EIF2AK1: variants seen among roughly 807,000 people sequenced by gnomAD.
EIF2AK1 encodes the protein eukaryotic translation initiation factor 2 alpha kinase 1.
Under a neutral mutation model 77.9 loss-of-function variants are expected in EIF2AK1, and 54 were observed. That is an observed-to-expected ratio of 0.69 (90% CI 0.56 to 0.87). The LOEUF is 0.87. EIF2AK1 is among the 40% of genes least tolerant of loss of function. The pLI is 0.00. For synonymous variants in EIF2AK1, 314 were observed against 290.5 expected, an observed-to-expected ratio of 1.08 and a Z score of -0.82; for missense variants, 810 against 768.6, an observed-to-expected ratio of 1.05 and a Z score of -0.64.
chr7:6,043,965 G>A (rs9639021), intron 7 of EIF2AK1, among the ~76,000 whole-genome samples: 4,225 of 151,436 alleles, frequency 0.028, 267 homozygotes, highest in East Asian at 0.28. Flanking sequence ...CAGGCGTGGC[G>A]GCACACACCT....
At chr7:6,029,147 TA>T in intron 11 of EIF2AK1, 115 bp from the exon 12 acceptor site, 1 of 862,734 alleles carries the variant, frequency 1.2e-6, no homozygotes, top group Non-Finnish European at 1.8e-6. Context: ...AAAAGTTAAA[TA>T]TTTGAGGAAT....
chr7:6,054,353 G>A (rs982122227), intron 2 of EIF2AK1, among the ~76,000 whole-genome samples, 193 bp downstream of exon 2: 12 of 152,046 alleles, frequency 7.9e-5, no homozygotes, highest in South Asian at 4.1e-4. Flanking sequence ...ACAGGTGCCT[G>A]CCACAACACC....
intron 12 of EIF2AK1, 58 bp downstream of exon 12, chr7:6,028,860 C>CTA: frequency 1.4e-6 from 2 of 1,479,510 alleles, no homozygotes; most frequent in Non-Finnish European, 9.3e-7. Flanking sequence ...TAAATACTAA[C>CTA]ATGTGCAACC....
rs1476256571 is a variant in EIF2AK1 at position 6,041,202 on chromosome 7, T to G, written c.809A>C (p.Lys270Thr). The G allele has an allele frequency of 6.2e-7, 1 of 1,607,130 alleles. No individual in the cohort carries two copies. The highest frequency in any genetic ancestry group is 1.1e-5 in the South Asian group (1 of 90,012). ...QEEDREQCGV[K>T]NDESSSSSII... ...GGATGAGCTGCTACTTTCATCATTT[T>G]TAACACCACATTGCTCTCTGAAAAA... Residue 270 changes from lysine to threonine, a missense_variant, in exon 9 of 15, where the codon AAA (lysine) becomes ACA (threonine). By Grantham distance (78) the Lys-to-Thr change is moderately conservative. This residue lies in a region of EIF2AK1 where 549 missense variants were observed against 533.7 expected (regional missense o/e 1.03). Transcript: ENST00000199389.
intron 6 of EIF2AK1, among the ~76,000 whole-genome samples, chr7:6,045,217 T>A (rs1352872574): frequency 2.0e-5 from 3 of 151,996 alleles, no homozygotes; most frequent in Non-Finnish European, 4.4e-5. Context: ...GTCATTCCTG[T>A]GCCTCAGCCT....
chr7:6,023,070 A>T lies in EIF2AK1; in HGVS notation c.*1603T>A. On this transcript the variant is annotated 3_prime_UTR_variant, in exon 15 of 15. Coordinates refer to ENST00000199389, the MANE Select transcript of EIF2AK1 (RefSeq NM_014413.4). The stretch of plus-strand genomic sequence containing the variant: ...GGTCCCTTCTAGCTTCAGAAGTGTC[A>T]TAATCAAATACCAGGAATGACTCTT... The T allele has an allele frequency of 1.9e-6, 1 of 515,940 alleles. No individual in the cohort carries two copies. Among genetic ancestry groups the T allele is most frequent in the South Asian group, 2.9e-5 (1 of 34,772 alleles). The allele number at this position is 515,940 out of a possible 1,614,324, so 32.0% of individuals were successfully genotyped here.
rs200306250 is a variant in EIF2AK1, at chr7:6,047,056, C to T, written c.485G>A (p.Arg162His). The change falls in exon 5 of 15, where the codon CGT becomes CAT. Residue 162 changes from arginine to histidine, a missense_variant. Arg to His is a conservative substitution (Grantham distance 29). Coordinates refer to ENST00000199389, the MANE Select transcript of EIF2AK1 (RefSeq NM_014413.4). ...AAGTTCTTCAAATTCATTTAAGTAA[C>T]GTGAAGTTTGTGCTTCCAAGGCTAC... ...REVALEAQTSRYLNEFEELAI... is the reference protein window; with the variant it reads ...REVALEAQTSHYLNEFEELAI... 23 of 1,613,810 alleles carry T rather than the reference C, an allele frequency of 1.4e-5. No individual in the cohort carries two copies. Among genetic ancestry groups the T allele is most frequent in the Middle Eastern group, 1.7e-4 (1 of 6,030 alleles).
In EIF2AK1 at chr7:6,025,086, G is replaced by A. The variant is rs183481639; in HGVS notation, c.1765-285C>T. Among the ~76,000 whole-genome samples, 877 of 152,094 alleles carry A rather than the reference G, an allele frequency of 5.8e-3. 6 individuals carry two copies. The highest frequency in any genetic ancestry group is 9.6e-3 in the Non-Finnish European group (652 of 67,994). ...ACTCCTTACCTCAAGTGACCCACCC[G>A]CCTCGACCTCCCAAAGTGCTGGAAT... is the stretch of plus-strand genomic sequence containing the variant. On this transcript the variant is annotated intron_variant, in intron 14 of 14. Transcript: ENST00000199389.
intron 11 of EIF2AK1, among the ~76,000 whole-genome samples, chr7:6,030,495 C>A (rs1255408058): frequency 6.6e-6 from 1 of 151,988 alleles, no homozygotes; most frequent in Non-Finnish European, 1.5e-5. Context: ...TCTCGCACTA[C>A]GAAAAAACTG....
chr7:6,039,771 C>T (rs1466313049), intron 9 of EIF2AK1, among the ~76,000 whole-genome samples: 2 of 151,352 alleles, frequency 1.3e-5, no homozygotes, highest in African/African-American at 2.4e-5. Context: ...CCTGTCTCTA[C>T]TAAAAATACA....
At chr7:6,034,418 G>A (rs1788013185) in intron 11 of EIF2AK1, among the ~76,000 whole-genome samples, 1 of 152,062 alleles carries the variant, frequency 6.6e-6, no homozygotes, top group Non-Finnish European at 1.5e-5. Flanking sequence ...CCCCAGCTCT[G>A]CAAGTCCTCT....
intron 4 of EIF2AK1, among the ~76,000 whole-genome samples, chr7:6,048,423 T>C (rs1449874952): frequency 6.6e-6 from 1 of 152,234 alleles, no homozygotes; most frequent in Non-Finnish European, 1.5e-5. Flanking sequence ...TTCCTTTTAA[T>C]AGCTGAATAA....
chr7:6,035,769 A>G lies in EIF2AK1; in HGVS notation c.1332+1655T>C. The stretch of plus-strand genomic sequence containing the variant: ...TCACATGGCCGCAAACATGCTGAAT[A>G]AGGAGATGATGGAAACGCTCATTGC... On this transcript the variant is annotated intron_variant, in intron 11 of 14. Transcript: ENST00000199389. The surrounding 1 kb of genome is among the most constrained non-coding windows in gnomAD (Gnocchi z 5.5). The G allele has an allele frequency of 6.4e-7, 1 of 1,551,170 alleles. No individual in the cohort carries two copies. Among genetic ancestry groups the G allele is most frequent in the Non-Finnish European group, 8.7e-7 (1 of 1,147,140 alleles).
intron 2 of EIF2AK1, among the ~76,000 whole-genome samples, chr7:6,053,254 T>C (rs1345278180): frequency 6.6e-6 from 1 of 152,200 alleles, no homozygotes; most frequent in Non-Finnish European, 1.5e-5. Flanking sequence ...ATGAGATATT[T>C]TGATACAGAC....
intron 1 of EIF2AK1, among the ~76,000 whole-genome samples, chr7:6,055,041 A>C (rs926267056): frequency 4.6e-5 from 7 of 152,090 alleles, no homozygotes; most frequent in African/African-American, 1.7e-4. Context: ...AGGCATAAAG[A>C]AAGAAGTTAG....
In EIF2AK1 at chr7:6,046,108, A is replaced by G. The variant is rs758345751; in HGVS notation, c.593T>C (p.Ile198Thr). 1.3e-6 allele frequency: 2 copies of G among 1,570,234 alleles called. No homozygotes were observed. Among genetic ancestry groups the G allele is most frequent in the African/African-American group, 2.8e-5 (2 of 72,322 alleles). Residue 198 changes from isoleucine (I) to threonine (T), a missense_variant, in exon 6 of 15, where the codon ATC (isoleucine) becomes ACC (threonine). Around this residue, in one of 3 missense-constraint regions of EIF2AK1, gnomAD observed 549 missense variants for 533.7 expected, o/e 1.03. Coordinates refer to ENST00000199389, the MANE Select transcript of EIF2AK1 (RefSeq NM_014413.4). Reference sequence around the variant, plus strand: ...TGTTTTAGTTGCACCCTTAATCAGGATTTTTTTTATTGCATAATACTGACC... The same window carrying G: ...TGTTTTAGTTGCACCCTTAATCAGGGTTTTTTTTATTGCATAATACTGACC... ...LDGQYYAIKK[I>T]LIKGATKTVC...
In EIF2AK1 at chr7:6,028,976, A is replaced by G; in HGVS notation, c.1389T>C (p.Gly463=). 1 of 1,612,772 alleles carries G rather than the reference A, an allele frequency of 6.2e-7. No individual in the cohort carries two copies. The highest frequency in any genetic ancestry group is 8.5e-7 in the Non-Finnish European group (1 of 1,179,774). ...PDQQVKIGDF[G]LACTDILQKN... is the part of the protein sequence containing the mutation. ...TCTGTAGGATGTCTGTGCAGGCCAG[A>G]CCAAAGTCTCCTATTTTTACTTGCT... The change falls in exon 12 of 15, where the codon GGT becomes GGC. Residue 463 remains glycine (G), a synonymous_variant. Transcript: ENST00000199389.
intron 1 of EIF2AK1, chr7:6,058,313 A>G: frequency 2.7e-6 from 1 of 365,052 alleles, no homozygotes. Flanking sequence ...GCTACTCGGG[A>G]GGCTAAGGCT....
At chr7:6,024,951 G>A in intron 14 of EIF2AK1, 150 bp from the exon 15 acceptor site, 1 of 522,128 alleles carries the variant, frequency 1.9e-6, no homozygotes, top group Non-Finnish European at 3.1e-6. Context: ...CTATTCTCGT[G>A]CCTCAGCCAC....
Sources: gnomAD v4.1 joint callset for allele counts (sites outside exome capture counted in the v4.1 genomes callset) on GRCh38, gnomAD v4.1.1 for gene constraint, gnomAD v4.1.1 regional missense constraint, Gnocchi (gnomAD v3.1) non-coding constraint, MANE v1.5 for transcripts, NCBI Gene and HGNC (gene_info 2026-07-23, HGNC 2026-07-21) for gene names.